The following AKAP10 variants were observed in gnomAD, a reference collection of about 807,000 sequenced individuals.
AKAP10 encodes A-kinase anchor protein 10, mitochondrial.
In AKAP10, 24 loss-of-function variants were observed where a neutral mutation model predicts 80.8. That is an observed-to-expected ratio of 0.30 (90% confidence interval 0.22 to 0.42). The LOEUF (loss-of-function observed/expected upper bound fraction) is 0.42. Ranked by LOEUF, AKAP10 falls within the 10% of genes least tolerant of loss-of-function variation. The pLI is 1.00. For synonymous variants in AKAP10, 291 were observed against 277.7 expected, an observed-to-expected ratio of 1.05 and a Z score of -0.48; for missense variants, 661 against 794.9, an observed-to-expected ratio of 0.83 and a Z score of 2.03.
At chr17:19,959,258 C>A (rs546167080) in intron 3 of AKAP10, among the ~76,000 whole-genome samples, 1 of 152,200 alleles carries the variant, frequency 6.6e-6, no homozygotes, top group East Asian at 1.9e-4. Context: ...CCCAGAAAAG[C>A]AAATTAACAT....
At chr17:19,953,356 A>G (rs2043237091) in intron 4 of AKAP10, among the ~76,000 whole-genome samples, 1 of 152,020 alleles carries the variant, frequency 6.6e-6, no homozygotes, top group Non-Finnish European at 1.5e-5. Context: ...TGGAGAAAAA[A>G]AAAAGAGTAA....
intron 9 of AKAP10, chr17:19,935,900 C>T (rs983158101): frequency 1.9e-5 from 3 of 156,750 alleles, no homozygotes; most frequent in African/African-American, 4.8e-5. Flanking sequence ...AAGTATAGTA[C>T]AGTAAATATG....
chr17:19,958,842 C>CTTTTTTT (rs772496178), intron 3 of AKAP10, among the ~76,000 whole-genome samples: 1 of 92,936 alleles, frequency 1.1e-5, no homozygotes, highest in Admixed American at 1.1e-4. Context: ...CATGTAAATT[C>CTTTTTTT]TTTTTTTTTT....
chr17:19,929,134 GA>G (rs2042905751), intron 10 of AKAP10, among the ~76,000 whole-genome samples: 1 of 152,182 alleles, frequency 6.6e-6, no homozygotes, highest in Admixed American at 6.5e-5. Context: ...CCATGTTTAT[GA>G]AATGTCCAGA....
At position 19,920,129 on chromosome 17, in the gene AKAP10, A is replaced by G; in HGVS notation, c.1752-11T>C. The G allele has an allele frequency of 6.3e-7, 1 of 1,587,920 alleles. No homozygotes were observed. ...CCAAATGTCATCTTCCTAAATAAGA[A>G]TGAACAGAAGACTTTAACTTCTAAC... On this transcript the variant is annotated splice_polypyrimidine_tract_variant and intron_variant, in intron 11 of 14. Coordinates refer to ENST00000225737, the MANE Select transcript of AKAP10 (RefSeq NM_007202.4).
chr17:19,917,719 GAGGCCAGCATGGTCAACATAGCAAA>G (rs2042761386), intron 12 of AKAP10, among the ~76,000 whole-genome samples: 1 of 152,100 alleles, frequency 6.6e-6, no homozygotes, highest in Non-Finnish European at 1.5e-5. Context: ...CGGATCACTT[GAGGCCAGCATGGTCAACATAGCAAA>G]ACCCCATCTC....
chr17:19,913,786 A>C (rs111344924), intron 12 of AKAP10, among the ~76,000 whole-genome samples: 131 of 152,294 alleles, frequency 8.6e-4, no homozygotes, highest in Admixed American at 2.4e-3. Flanking sequence ...CAAGTTTAAA[A>C]AATGATTTTT....
intron 9 of AKAP10, among the ~76,000 whole-genome samples, chr17:19,934,922 T>A (rs1267581444): frequency 6.6e-6 from 1 of 152,132 alleles, no homozygotes; most frequent in African/African-American, 2.4e-5. Context: ...TGAGGCAGGA[T>A]AATTGGTTGA....
At chr17:19,960,206 G>C (rs74429763) in intron 3 of AKAP10, among the ~76,000 whole-genome samples, 15,006 of 152,190 alleles carry the variant, frequency 0.099, 810 homozygotes, top group Non-Finnish European at 0.12. Context: ...AACTTGTTCA[G>C]ATTTCCCCAG....
At chr17:19,915,328 A>G (rs1177359167) in intron 12 of AKAP10, among the ~76,000 whole-genome samples, 2 of 152,214 alleles carry the variant, frequency 1.3e-5, no homozygotes, top group East Asian at 3.8e-4. Context: ...AAAGTACAGA[A>G]GATTAAACAT....
intron 1 of AKAP10, among the ~76,000 whole-genome samples, chr17:19,977,319 C>G (rs1348017186): frequency 1.3e-5 from 2 of 152,252 alleles, no homozygotes; most frequent in Non-Finnish European, 2.9e-5. Flanking sequence ...CACCTAAGAA[C>G]TGTTCTTAAC....
intron 4 of AKAP10, among the ~76,000 whole-genome samples, chr17:19,951,403 C>T (rs1202106667): frequency 9.4e-5 from 14 of 148,168 alleles, no homozygotes; most frequent in African/African-American, 2.5e-4. Flanking sequence ...GTGTACCCAA[C>T]AGCTCATTGA....
chr17:19,916,793 C>T (rs1448293846), intron 12 of AKAP10, among the ~76,000 whole-genome samples: 3 of 150,816 alleles, frequency 2.0e-5, no homozygotes, highest in Admixed American at 6.6e-5. Flanking sequence ...AAAAATTAGC[C>T]GGGCGTGGTG....
intron 12 of AKAP10, among the ~76,000 whole-genome samples, chr17:19,914,534 C>G (rs953864547): frequency 6.9e-6 from 1 of 144,906 alleles, no homozygotes; most frequent in African/African-American, 2.6e-5. Context: ...TCCAGCTACT[C>G]GAGAGGCTGA....
chr17:19,909,992 A>T lies in AKAP10; in HGVS notation c.1835-14T>A. Reference sequence around the variant, plus strand: ...AGAACATGGATCCTAGTAAACAAAGACAAAATTGAATGTACATTTCATGCA... The same window carrying T: ...AGAACATGGATCCTAGTAAACAAAGTCAAAATTGAATGTACATTTCATGCA... On this transcript the variant is annotated splice_polypyrimidine_tract_variant and intron_variant, in intron 12 of 14. Coordinates refer to ENST00000225737, the MANE Select transcript of AKAP10 (RefSeq NM_007202.4). 1 of 1,612,534 alleles carries T rather than the reference A, an allele frequency of 6.2e-7. No homozygotes were observed. The highest frequency in any genetic ancestry group is 8.5e-7 in the Non-Finnish European group (1 of 1,178,998).
In AKAP10 at chr17:19,941,924, T is replaced by G; in HGVS notation, c.977-14A>C. The G allele has an allele frequency of 3.1e-6, 5 of 1,606,696 alleles. No individual in the cohort carries two copies. The highest frequency in any genetic ancestry group is 4.2e-6 in the Non-Finnish European group (5 of 1,176,888). ...CACAAATCCTTGCTGCAAAAGAAGT[T>G]GTAAATAATTAAATTGCCACTAAAT... On this transcript the variant is annotated splice_polypyrimidine_tract_variant and intron_variant, in intron 5 of 14. Coordinates refer to ENST00000225737, the MANE Select transcript of AKAP10 (RefSeq NM_007202.4).
chr17:19,923,627 C>G lies in AKAP10; in HGVS notation c.1751+781G>C, dbSNP rs148447206. Reference sequence around the variant, plus strand: ...CTGCAAGCTCCGCCTCCCGGGCTCACGCCATTCTCCTGTCTCAGCCTCCCA... The same window carrying G: ...CTGCAAGCTCCGCCTCCCGGGCTCAGGCCATTCTCCTGTCTCAGCCTCCCA... On this transcript the variant is annotated intron_variant, in intron 11 of 14. Coordinates refer to ENST00000225737, the MANE Select transcript of AKAP10 (RefSeq NM_007202.4). Among the ~76,000 whole-genome samples the G allele has an allele frequency of 2.6e-5, 4 of 151,724 alleles. No homozygotes were observed. The South Asian group carries it at 8.3e-4, about 32-fold the overall frequency.
chr17:19,946,594 G>A (rs2043134954), intron 5 of AKAP10, among the ~76,000 whole-genome samples: 1 of 148,516 alleles, frequency 6.7e-6, no homozygotes, highest in Non-Finnish European at 1.5e-5. Flanking sequence ...ACTATTTATT[G>A]ATCTTGCTGT....
intron 2 of AKAP10, among the ~76,000 whole-genome samples, chr17:19,966,298 C>T (rs2043417744): frequency 6.6e-6 from 1 of 151,814 alleles, no homozygotes; most frequent in African/African-American, 2.4e-5. Context: ...TTTTTCAAGT[C>T]CGTTCACATC....
Sources: allele counts gnomAD v4.1 joint callset (sites outside exome capture counted in the v4.1 genomes callset), GRCh38; gene constraint gnomAD v4.1.1; transcripts MANE v1.5; gene names NCBI Gene and HGNC (gene_info 2026-07-23, HGNC 2026-07-21).